DGKB: variants seen among roughly 807,000 people sequenced by gnomAD.
The protein encoded by DGKB is diacylglycerol kinase beta, also known as 90 kDa diacylglycerol kinase.
A neutral mutation model predicts 114.3 loss-of-function variants in DGKB; 67 were observed. The ratio of observed to expected loss-of-function variants is 0.59; its 90% CI spans 0.48 to 0.72. The LOEUF (loss-of-function observed/expected upper bound fraction) is 0.72, where lower values mean the gene tolerates loss of function less well. DGKB is among the 30% of genes least tolerant of loss of function. The pLI is 0.00. For synonymous variants in DGKB, 398 were observed against 323.1 expected (o/e 1.23, Z -2.49); for missense variants, 907 against 975.2 (o/e 0.93, Z 0.93).
intron 23 of DGKB, among the ~76,000 whole-genome samples, chr7:14,283,222 GACAA>G (rs1399024229): frequency 2.6e-5 from 4 of 151,524 alleles, no homozygotes; most frequent in East Asian, 3.9e-4. Flanking sequence ...ACCAACCACA[GACAA>G]ACAGAGAGCC....
intron 12 of DGKB, among the ~76,000 whole-genome samples, chr7:14,674,881 C>T (rs1819584757): frequency 6.6e-6 from 1 of 152,060 alleles, no homozygotes; most frequent in South Asian, 2.1e-4. Context: ...GAATTCTAGC[C>T]TCCAGAGCTA....
At chr7:14,592,467 T>C (rs1801868796) in intron 17 of DGKB, among the ~76,000 whole-genome samples, 1 of 151,964 alleles carries the variant, frequency 6.6e-6, no homozygotes, top group African/African-American at 2.4e-5. Flanking sequence ...ATATTATTCT[T>C]AAAGTTACAA....
At chr7:14,939,204 C>T (rs1332145892) in intron 1 of DGKB, among the ~76,000 whole-genome samples, 1 of 152,034 alleles carries the variant, frequency 6.6e-6, no homozygotes, top group Non-Finnish European at 1.5e-5. Flanking sequence ...TATCTATTGA[C>T]ATACATAAAA....
chr7:14,899,533 T>C (rs1356850030), intron 1 of DGKB, among the ~76,000 whole-genome samples: 2 of 152,120 alleles, frequency 1.3e-5, no homozygotes, highest in African/African-American at 4.8e-5. Context: ...AGCCTTCCAC[T>C]ATATGATTCC....
intron 25 of DGKB, among the ~76,000 whole-genome samples, chr7:14,158,355 G>C (rs1381668067): frequency 6.6e-6 from 1 of 152,170 alleles, no homozygotes; most frequent in Non-Finnish European, 1.5e-5. Context: ...CCACATGCCA[G>C]ACACCAATTT....
At chr7:14,595,774 T>A (rs1453782093) in intron 17 of DGKB, among the ~76,000 whole-genome samples, 1 of 152,024 alleles carries the variant, frequency 6.6e-6, no homozygotes, top group Non-Finnish European at 1.5e-5. Context: ...ATAATATTTG[T>A]ACTGAGGTTA....
intron 17 of DGKB, among the ~76,000 whole-genome samples, chr7:14,600,406 G>T (rs1803332538): frequency 6.6e-6 from 1 of 152,072 alleles, no homozygotes; most frequent in Non-Finnish European, 1.5e-5. Flanking sequence ...ATGTTCTTCT[G>T]ATAAGTAAAA....
intron 20 of DGKB, among the ~76,000 whole-genome samples, chr7:14,512,875 G>A (rs1163252647): frequency 6.6e-6 from 1 of 151,988 alleles, no homozygotes; most frequent in East Asian, 1.9e-4. Flanking sequence ...TAAACGAGGA[G>A]GTTTTGCTTT....
At chr7:14,515,642 A>G (rs1052911449) in intron 20 of DGKB, among the ~76,000 whole-genome samples, 2 of 152,260 alleles carry the variant, frequency 1.3e-5, no homozygotes, top group African/African-American at 2.4e-5. Flanking sequence ...GTTCAATACC[A>G]AAGTATTTAT....
chr7:14,810,103 T>C (rs1383523752), intron 2 of DGKB, among the ~76,000 whole-genome samples: 1 of 152,192 alleles, frequency 6.6e-6, no homozygotes, highest in Non-Finnish European at 1.5e-5. Flanking sequence ...TTGAAAGAAT[T>C]CGTGCACGTT....
At chr7:14,751,983 T>C (rs537638636) in intron 4 of DGKB, among the ~76,000 whole-genome samples, 1 of 152,182 alleles carries the variant, frequency 6.6e-6, no homozygotes, top group Non-Finnish European at 1.5e-5. Context: ...GAGCTATTTA[T>C]TATACATACA....
chr7:14,498,282 T>G (rs967638349), intron 20 of DGKB, among the ~76,000 whole-genome samples: 6 of 151,900 alleles, frequency 3.9e-5, no homozygotes, highest in Admixed American at 6.6e-5. Context: ...TAAATCTCAT[T>G]AAAATATATT....
chr7:14,937,525 T>C (rs969009387), intron 1 of DGKB, among the ~76,000 whole-genome samples: 5 of 152,194 alleles, frequency 3.3e-5, no homozygotes, highest in African/African-American at 1.2e-4. Flanking sequence ...AATAGGAAGA[T>C]GATTAATAGC....
At chr7:14,363,473 T>C (rs749392153) in intron 21 of DGKB, among the ~76,000 whole-genome samples, 2 of 152,068 alleles carry the variant, frequency 1.3e-5, no homozygotes, top group Non-Finnish European at 2.9e-5. Flanking sequence ...GGGAAGCACA[T>C]TTCTGGTACA....
intron 8 of DGKB, among the ~76,000 whole-genome samples, chr7:14,696,321 G>T (rs192630004): frequency 1.6e-4 from 24 of 151,210 alleles, no homozygotes; most frequent in African/African-American, 5.8e-4. Context: ...GTGAAACCCC[G>T]TCTCTACTAA....
intron 23 of DGKB, among the ~76,000 whole-genome samples, chr7:14,312,810 C>A (rs1313131022): frequency 6.6e-6 from 1 of 152,090 alleles, no homozygotes; most frequent in Non-Finnish European, 1.5e-5. Context: ...AGTATTTGTT[C>A]CCAATGATAA....
At chr7:14,482,919 G>A (rs1010637538) in intron 20 of DGKB, among the ~76,000 whole-genome samples, 1 of 152,180 alleles carries the variant, frequency 6.6e-6, no homozygotes, top group Non-Finnish European at 1.5e-5. Flanking sequence ...ATTAAATAGA[G>A]CCAGAAGGTT....
chr7:14,773,112 T>C (rs1162915998), intron 2 of DGKB, among the ~76,000 whole-genome samples: 2 of 152,206 alleles, frequency 1.3e-5, no homozygotes, highest in South Asian at 2.1e-4. Context: ...TTGTATCTAA[T>C]ACTTTACAAG....
intron 1 of DGKB, among the ~76,000 whole-genome samples, chr7:14,856,020 C>CACACCA (rs3036255): frequency 0.46 from 67,882 of 148,444 alleles, 16,024 homozygotes; most frequent in Non-Finnish European, 0.5. Context: ...CACACACACA[C>CACACCA]ATAATTAACA....
Sources: allele counts gnomAD v4.1 joint callset (sites outside exome capture counted in the v4.1 genomes callset), GRCh38; gene constraint gnomAD v4.1.1; transcripts MANE v1.5; gene names NCBI Gene and HGNC (gene_info 2026-07-23, HGNC 2026-07-21).